Variants in PLXNC1 observed in about 807,000 individuals in gnomAD.
PLXNC1 encodes plexin-C1.
In PLXNC1, 75 loss-of-function variants were observed where a neutral mutation model predicts 178.2. That is an observed-to-expected ratio of 0.42 (90% CI 0.35 to 0.51). The LOEUF is 0.51. Ranked by LOEUF, PLXNC1 falls within the 20% of genes least tolerant of loss-of-function variation. The probability of loss-of-function intolerance (pLI) is 0.02; values close to 1 mark genes in which losing one functional copy is unlikely to be tolerated. For missense variants in PLXNC1, 1,503 were observed against 1,984.4 expected (o/e 0.76, Z 4.61); for synonymous variants, 790 against 779.9 (o/e 1.01, Z -0.22).
chr12:94,300,831 C>G, intron 27 of PLXNC1, 79 bp from the exon 28 acceptor site: 1 of 1,355,486 alleles, frequency 7.4e-7, no homozygotes, highest in African/African-American at 1.4e-5. Flanking sequence ...CAAAAACACC[C>G]GTTTACAAAC....
At chr12:94,275,522 G>A (rs1335840216) in intron 21 of PLXNC1, among the ~76,000 whole-genome samples, 1 of 152,166 alleles carries the variant, frequency 6.6e-6, no homozygotes, top group Non-Finnish European at 1.5e-5. Flanking sequence ...GTGTTAAGAG[G>A]CTGACCCCAA....
chr12:94,286,138 G>A lies in PLXNC1; in HGVS notation c.3879+3737G>A, dbSNP rs531965893. Among the ~76,000 whole-genome samples, 6 of 152,318 alleles carry A rather than the reference G, an allele frequency of 3.9e-5. No homozygotes were observed. In the South Asian group the frequency reaches 6.2e-4, roughly 16 times the overall value. On this transcript the variant is annotated intron_variant, in intron 23 of 30. Coordinates refer to ENST00000258526, the MANE Select transcript of PLXNC1 (RefSeq NM_005761.3). ...TTAAGGATGATAATGAAATTAATCC[G>A]GCCTGTAGTCACTTCCCGTCCAAAT... is the stretch of plus-strand genomic sequence containing the variant.
At chr12:94,264,581 G>A (rs117113455) in intron 20 of PLXNC1, among the ~76,000 whole-genome samples, 1 of 152,324 alleles carries the variant, frequency 6.6e-6, no homozygotes, top group Non-Finnish European at 1.5e-5. Flanking sequence ...CCTTCGAGAA[G>A]TGCTGTTAAC....
At chr12:94,227,513 G>A (rs1436505152) in intron 9 of PLXNC1, 2 of 278,664 alleles carry the variant, frequency 7.2e-6, no homozygotes, top group African/African-American at 4.4e-5. Context: ...GCTCACTGGT[G>A]AAGAGCTGGA....
chr12:94,237,607 T>C, intron 9 of PLXNC1, 57 bp from the exon 10 acceptor site: 1 of 1,521,502 alleles, frequency 6.6e-7, no homozygotes, highest in Non-Finnish European at 9.0e-7. Flanking sequence ...CAGATTTTTT[T>C]GGAGCGATGC....
At chr12:94,203,815 G>A (rs1332846220) in intron 4 of PLXNC1, among the ~76,000 whole-genome samples, 1 of 152,238 alleles carries the variant, frequency 6.6e-6, no homozygotes, top group Admixed American at 6.5e-5. Flanking sequence ...CACCTAAAAA[G>A]CGTGTGTTGG....
intron 26 of PLXNC1, among the ~76,000 whole-genome samples, chr12:94,298,375 A>G (rs1353691923): frequency 6.6e-6 from 1 of 152,224 alleles, no homozygotes; most frequent in Non-Finnish European, 1.5e-5. Context: ...GATTTCTGAT[A>G]TCCTCCCAGT....
At chr12:94,172,082 C>G (rs1961866329) in intron 2 of PLXNC1, among the ~76,000 whole-genome samples, 1 of 152,236 alleles carries the variant, frequency 6.6e-6, no homozygotes, top group Admixed American at 6.5e-5. Flanking sequence ...TTCAGCTTCT[C>G]CCTTGCCAAG....
chr12:94,299,215 A>G (rs1968223540), intron 27 of PLXNC1, among the ~76,000 whole-genome samples: 1 of 152,204 alleles, frequency 6.6e-6, no homozygotes, highest in South Asian at 2.1e-4. Flanking sequence ...AAATTTATCA[A>G]GTGCAGTACT....
In PLXNC1 at chr12:94,149,272, C is replaced by A; in HGVS notation, c.301C>A (p.Pro101Thr). Reference sequence around the variant, plus strand: ...GCTGGCGCCCCCCGCGCGGCCCCGGCCCGGGAGCAGCTTCAGCAAGCTGCT... The same window carrying A: ...GCTGGCGCCCCCCGCGCGGCCCCGGACCGGGAGCAGCTTCAGCAAGCTGCT... ...VSLAPPARPR[P>T]GSSFSKLLLP... is the part of the protein sequence containing the mutation. The change falls in exon 1 of 31, where the codon CCC becomes ACC. Residue 101 changes from proline (P) to threonine (T), a missense_variant. Transcript: ENST00000258526. 1 of 1,524,090 alleles carries A rather than the reference C, an allele frequency of 6.6e-7. No individual in the cohort carries two copies. Among genetic ancestry groups the A allele is most frequent in the Non-Finnish European group, 8.7e-7 (1 of 1,145,198 alleles). 94.4% of individuals were successfully genotyped at this position (1,524,090 alleles called of 1,614,324 possible).
intron 23 of PLXNC1, among the ~76,000 whole-genome samples, chr12:94,292,378 C>A (rs1213834267): frequency 6.6e-6 from 1 of 152,008 alleles, no homozygotes; most frequent in East Asian, 1.9e-4. Flanking sequence ...GGTGGTTATG[C>A]CAGTATATAT....
intron 2 of PLXNC1, 29 bp downstream of exon 2, chr12:94,169,322 C>A (rs752272172): frequency 1.3e-6 from 2 of 1,595,698 alleles, no homozygotes; most frequent in Admixed American, 1.7e-5. Context: ...CTTCAAATGT[C>A]TATTTTAATG....
At chr12:94,171,706 G>A (rs1189253101) in intron 2 of PLXNC1, among the ~76,000 whole-genome samples, 1 of 152,196 alleles carries the variant, frequency 6.6e-6, no homozygotes, top group Non-Finnish European at 1.5e-5. Flanking sequence ...GGGGACACAT[G>A]CTCCTGGGGT....
rs1207635592 is a variant in PLXNC1 at position 94,149,848 on chromosome 12, C to T, written c.877C>T (p.Leu293=). The T allele has an allele frequency of 5.0e-6, 8 of 1,587,554 alleles. No individual in the cohort carries two copies. In the African/African-American group the frequency reaches 9.4e-5, roughly 19 times the overall value. ...CCACGGCCACCCCGACGGCCGCCGC[C>T]TGCTCCTCTCCTCCAGCCTAGTGGA... ...CGHGHPDGRR[L]LLSSSLVEAL... The change falls in exon 1 of 31, where the codon CTG becomes TTG. Residue 293 remains leucine, a synonymous_variant. Coordinates refer to ENST00000258526, the MANE Select transcript of PLXNC1 (RefSeq NM_005761.3).
intron 21 of PLXNC1, among the ~76,000 whole-genome samples, chr12:94,269,152 G>C (rs17022333): frequency 0.12 from 18,130 of 152,152 alleles, 1,299 homozygotes; most frequent in African/African-American, 0.19. Flanking sequence ...TGTAATCAAA[G>C]TTAAGTGTGA....
rs1244949193 is a variant in PLXNC1, at chr12:94,232,396, CA to C, written c.1980+5162del. Among the ~76,000 whole-genome samples the C allele has an allele frequency of 1.1e-4, 16 of 152,262 alleles. No individual in the cohort carries two copies. The South Asian group carries it at 1.9e-3, about 18-fold the overall frequency. ...GAGCCACCGCACCCGGCCCCTCCAT[CA>C]CTTTTGAATATGCATTTTTGATCTC... On this transcript the variant is annotated intron_variant, in intron 9 of 30. Coordinates refer to ENST00000258526, the MANE Select transcript of PLXNC1 (RefSeq NM_005761.3).
At chr12:94,208,210 TG>T (rs1252026259) in intron 4 of PLXNC1, among the ~76,000 whole-genome samples, 2 of 152,178 alleles carry the variant, frequency 1.3e-5, no homozygotes, top group African/African-American at 4.8e-5. Flanking sequence ...ATGGTTATAA[TG>T]TTGGAGAAGA....
intron 6 of PLXNC1, among the ~76,000 whole-genome samples, chr12:94,221,010 T>C (rs560627843): frequency 1.9e-4 from 29 of 152,314 alleles, no homozygotes; most frequent in Non-Finnish European, 3.2e-4. Context: ...CAGGGGACCA[T>C]GAAGGGCCTT....
intron 27 of PLXNC1, among the ~76,000 whole-genome samples, chr12:94,299,166 T>C (rs994760961): frequency 6.6e-6 from 1 of 152,242 alleles, no homozygotes; most frequent in African/African-American, 2.4e-5. Flanking sequence ...ATCGGTTACT[T>C]TGCAGTCTCC....
Sources: gnomAD v4.1 joint callset for allele counts (sites outside exome capture counted in the v4.1 genomes callset) on GRCh38, gnomAD v4.1.1 for gene constraint, MANE v1.5 for transcripts, NCBI Gene and HGNC (gene_info 2026-07-23, HGNC 2026-07-21) for gene names.